The following SPAG16 variants were observed in gnomAD, a reference collection of about 807,000 sequenced individuals.
The protein encoded by SPAG16 is sperm-associated antigen 16 protein.
SPAG16 carries 86 observed loss-of-function variants against 80.4 expected under a neutral mutation model. That is an observed-to-expected ratio of 1.07 (90% CI 0.90 to 1.28). SPAG16 has a LOEUF of 1.28. Ranked by LOEUF, SPAG16 falls within the 50% of genes most tolerant of loss-of-function variation. SPAG16 has a pLI of 0.00. For synonymous variants in SPAG16, 294 were observed against 265.9 expected (o/e 1.11, Z -1.03); for missense variants, 870 against 765.3 (o/e 1.14, Z -1.61).
chr2:213,981,172 G>A (rs1462049452), intron 12 of SPAG16, among the ~76,000 whole-genome samples: 3 of 152,046 alleles, frequency 2.0e-5, no homozygotes, highest in South Asian at 2.1e-4. Context: ...GAGAGCCTTC[G>A]GGTTTGAATG....
intron 15 of SPAG16, among the ~76,000 whole-genome samples, chr2:214,386,863 T>C (rs1700783499): frequency 1.4e-5 from 1 of 72,376 alleles, no homozygotes; most frequent in Non-Finnish European, 2.8e-5. Context: ...GACCCTTGTC[T>C]CAAAAAAAGA....
chr2:213,515,184 CAT>C (rs1269396506), intron 10 of SPAG16, among the ~76,000 whole-genome samples: 1 of 151,984 alleles, frequency 6.6e-6, no homozygotes, highest in Non-Finnish European at 1.5e-5. Context: ...TATATAAACC[CAT>C]TCTATCTGAA....
At chr2:213,500,157 A>G (rs1347463854) in intron 10 of SPAG16, among the ~76,000 whole-genome samples, 1 of 152,082 alleles carries the variant, frequency 6.6e-6, no homozygotes, top group African/African-American at 2.4e-5. Context: ...CACCTGACAA[A>G]CCCACAGAAT....
chr2:213,389,689 G>A (rs1032389150), intron 9 of SPAG16, among the ~76,000 whole-genome samples: 4 of 152,066 alleles, frequency 2.6e-5, no homozygotes, highest in African/African-American at 9.7e-5. Context: ...CTGCAGTAGG[G>A]TATCACTTCA....
chr2:213,688,818 T>C (rs762368666), intron 10 of SPAG16, among the ~76,000 whole-genome samples: 93 of 152,180 alleles, frequency 6.1e-4, no homozygotes, highest in Non-Finnish European at 7.8e-4. Flanking sequence ...TCTGCTTCCA[T>C]CTAGTAAATT....
At chr2:214,007,052 A>G (rs575614746) in intron 12 of SPAG16, among the ~76,000 whole-genome samples, 3 of 152,350 alleles carry the variant, frequency 2.0e-5, no homozygotes, top group East Asian at 3.9e-4. Flanking sequence ...CATTTTACCA[A>G]TAGTGTATAT....
At chr2:214,358,910 T>C (rs1161154355) in intron 15 of SPAG16, among the ~76,000 whole-genome samples, 3 of 151,974 alleles carry the variant, frequency 2.0e-5, no homozygotes, top group African/African-American at 7.2e-5. Context: ...ATTTAGAACC[T>C]ATGACTTCCT....
At chr2:214,017,486 T>C (rs530306754) in intron 13 of SPAG16, among the ~76,000 whole-genome samples, 1 of 152,310 alleles carries the variant, frequency 6.6e-6, no homozygotes, top group South Asian at 2.1e-4. Flanking sequence ...TCTAGGAAAG[T>C]CTATATCTTA....
intron 13 of SPAG16, among the ~76,000 whole-genome samples, chr2:214,046,031 C>T (rs908038515): frequency 6.6e-6 from 1 of 151,858 alleles, no homozygotes; most frequent in Non-Finnish European, 1.5e-5. Flanking sequence ...ATAACTGATA[C>T]CATAGAAATT....
At chr2:214,281,000 GGGATAGACAAAC>G in intron 15 of SPAG16, 1 of 423,546 alleles carries the variant, frequency 2.4e-6, no homozygotes, top group Non-Finnish European at 4.6e-6. Context: ...GGTACTGTAA[GGGATAGACAAAC>G]CTCCATTCAC....
intron 10 of SPAG16, among the ~76,000 whole-genome samples, chr2:213,610,663 A>G (rs1304727): frequency 0.41 from 62,576 of 151,976 alleles, 13,468 homozygotes; most frequent in Middle Eastern, 0.52. Context: ...TGTTTATTAA[A>G]AAAGTAAAGT....
chr2:214,343,718 T>G (rs1030167782), intron 15 of SPAG16, among the ~76,000 whole-genome samples: 1 of 152,150 alleles, frequency 6.6e-6, no homozygotes, highest in Non-Finnish European at 1.5e-5. Context: ...TAGTCTAGTT[T>G]CTACCCAAGA....
intron 11 of SPAG16, among the ~76,000 whole-genome samples, chr2:213,913,969 C>G (rs1223210451): frequency 6.6e-6 from 1 of 152,074 alleles, no homozygotes; most frequent in African/African-American, 2.4e-5. Context: ...GAATAATCAG[C>G]TTTACTCAAC....
chr2:213,408,608 TC>T (rs1191607169), intron 9 of SPAG16, among the ~76,000 whole-genome samples: 12 of 152,132 alleles, frequency 7.9e-5, no homozygotes, highest in East Asian at 5.8e-4. Flanking sequence ...CGTACAAAGG[TC>T]CGACCAGACC....
chr2:213,751,283 A>G (rs189677407), intron 10 of SPAG16, among the ~76,000 whole-genome samples: 2 of 152,184 alleles, frequency 1.3e-5, no homozygotes, highest in East Asian at 1.9e-4. Flanking sequence ...TCCTCCACGT[A>G]TGGTTGCTTG....
At chr2:213,830,501 G>C (rs1335111522) in intron 10 of SPAG16, among the ~76,000 whole-genome samples, 1 of 152,074 alleles carries the variant, frequency 6.6e-6, no homozygotes, top group Non-Finnish European at 1.5e-5. Context: ...TGGTTTTTTT[G>C]TGTAGTTAGT....
chr2:213,848,400 A>T (rs1015752712), intron 10 of SPAG16, among the ~76,000 whole-genome samples: 2 of 152,194 alleles, frequency 1.3e-5, no homozygotes, highest in Admixed American at 1.3e-4. Flanking sequence ...ATCAGGACTC[A>T]TTTCAGGTCT....
At chr2:214,165,800 T>A (rs1341116021) in intron 15 of SPAG16, among the ~76,000 whole-genome samples, 1 of 152,046 alleles carries the variant, frequency 6.6e-6, no homozygotes, top group Admixed American at 6.6e-5. Flanking sequence ...TGCTCCACTA[T>A]TTTCATTAAT....
At chr2:213,773,339 G>C (rs1449450022) in intron 10 of SPAG16, among the ~76,000 whole-genome samples, 2 of 152,062 alleles carry the variant, frequency 1.3e-5, no homozygotes, top group Non-Finnish European at 2.9e-5. Flanking sequence ...TTCAAGGGAA[G>C]GTGACTTTAA....
Sources: gnomAD v4.1 joint callset for allele counts (sites outside exome capture counted in the v4.1 genomes callset) on GRCh38, gnomAD v4.1.1 for gene constraint, MANE v1.5 for transcripts, NCBI Gene and HGNC (gene_info 2026-07-23, HGNC 2026-07-21) for gene names.